The following E2F3 variants were observed in gnomAD, a reference collection of about 807,000 sequenced individuals.
E2F3 encodes the protein E2F transcription factor 3.
A neutral mutation model predicts 44.4 loss-of-function variants in E2F3; 11 were observed. The observed-to-expected ratio is 0.25, with a 90% CI of 0.16 to 0.41. E2F3 has a LOEUF of 0.41. Among genes scored for constraint, E2F3 ranks in the 10% least tolerant of loss-of-function variants. The pLI, the probability that E2F3 is intolerant of heterozygous loss-of-function variation, is 1.00. For missense variants in E2F3, 487 were observed against 583.6 expected, an observed-to-expected ratio of 0.83 and a Z score of 1.70; for synonymous variants, 249 against 253.0, an observed-to-expected ratio of 0.98 and a Z score of 0.15.
In E2F3 at chr6:20,490,288, A is replaced by G. The variant is rs1762518617; in HGVS notation, c.1256A>G (p.Glu419Gly). 2 of 1,614,000 alleles carry G rather than the reference A, an allele frequency of 1.2e-6. No individual in the cohort carries two copies. The highest frequency in any genetic ancestry group is 2.7e-5 in the African/African-American group (2 of 74,898). Residue 419 changes from glutamate to glycine, a missense_variant, in exon 7 of 7, where the codon GAA (glutamate) becomes GGA (glycine). Glu to Gly is a moderately conservative substitution (Grantham distance 98). This residue lies in a region of E2F3 where 220 missense variants were observed against 261.7 expected (regional missense o/e 0.84). Coordinates refer to ENST00000346618, the MANE Select transcript of E2F3 (RefSeq NM_001949.5). This position sits in a 1 kb window ranked among gnomAD's most constrained non-coding sequence, Gnocchi z 4.3. The part of the protein sequence containing the change: ...QTEDQIPSNL[E>G]GPFVNLLPPL... Reference sequence around the variant, plus strand: ...GAGGACCAAATTCCTTCCAACCTAGAAGGACCGTTTGTGAACTTACTGCCT... The same window carrying G: ...GAGGACCAAATTCCTTCCAACCTAGGAGGACCGTTTGTGAACTTACTGCCT...
chr6:20,461,472 C>T (rs770091991), intron 1 of E2F3, among the ~76,000 whole-genome samples: 21 of 152,058 alleles, frequency 1.4e-4, no homozygotes, highest in Non-Finnish European at 2.5e-4. Flanking sequence ...CCAGCCTGGG[C>T]GACAGAGCGA....
intron 1 of E2F3, among the ~76,000 whole-genome samples, chr6:20,425,365 G>T (rs7753152): frequency 1.3e-5 from 2 of 151,086 alleles, no homozygotes; most frequent in African/African-American, 4.9e-5. Context: ...GGAGCTGTGC[G>T]CACAACCCCA....
intron 1 of E2F3, among the ~76,000 whole-genome samples, chr6:20,432,113 T>C (rs776378776): frequency 3.9e-5 from 6 of 152,204 alleles, no homozygotes; most frequent in African/African-American, 7.2e-5. Flanking sequence ...GACTTCAACA[T>C]AGGAATTTAA....
At chr6:20,466,274 G>A (rs1466825494) in intron 1 of E2F3, among the ~76,000 whole-genome samples, 8 of 151,974 alleles carry the variant, frequency 5.3e-5, no homozygotes, top group African/African-American at 7.2e-5. Context: ...CACCACGCCC[G>A]GCTACTTTTT....
At chr6:20,438,247 T>G (rs1760658517) in intron 1 of E2F3, among the ~76,000 whole-genome samples, 1 of 152,218 alleles carries the variant, frequency 6.6e-6, no homozygotes, top group African/African-American at 2.4e-5. Flanking sequence ...AAGTGCTATA[T>G]AAACATAAGG....
At chr6:20,463,686 C>A (rs1396079836) in intron 1 of E2F3, among the ~76,000 whole-genome samples, 1 of 152,164 alleles carries the variant, frequency 6.6e-6, no homozygotes, top group Non-Finnish European at 1.5e-5. Flanking sequence ...GCTTCTGACA[C>A]CAGATGTGCT....
At chr6:20,483,380 C>T (rs570601191) in intron 4 of E2F3, among the ~76,000 whole-genome samples, 61 of 152,214 alleles carry the variant, frequency 4.0e-4, no homozygotes, top group African/African-American at 1.4e-3. Context: ...CACCAGATAT[C>T]GTAGCAATTG....
At chr6:20,435,004 A>G (rs1217647553) in intron 1 of E2F3, among the ~76,000 whole-genome samples, 1 of 152,200 alleles carries the variant, frequency 6.6e-6, no homozygotes, top group Non-Finnish European at 1.5e-5. Flanking sequence ...TCAGCCGTGG[A>G]TGCTCTGCAT....
At chr6:20,460,763 A>T (rs1224292051) in intron 1 of E2F3, among the ~76,000 whole-genome samples, 1 of 152,074 alleles carries the variant, frequency 6.6e-6, no homozygotes, top group East Asian at 1.9e-4. Flanking sequence ...TGGGAGGCCG[A>T]GGAGGGCAGA....
chr6:20,488,202 A>G lies in E2F3; in HGVS notation c.1089A>G (p.Thr363=). The G allele has an allele frequency of 6.2e-7, 1 of 1,611,108 alleles. No homozygotes were observed. Among genetic ancestry groups the G allele is most frequent in the Non-Finnish European group, 8.5e-7 (1 of 1,179,332 alleles). The change falls in exon 6 of 7, where the codon ACA becomes ACG. Residue 363 remains threonine (T), a synonymous_variant. Coordinates refer to ENST00000346618, the MANE Select transcript of E2F3 (RefSeq NM_001949.5). ...CTGAAACACACAGTCCAATGAAAAC[A>G]AACAACCAAGACCACAATGGGAATA... is the stretch of plus-strand genomic sequence containing the variant. ...EETETHSPMK[T]NNQDHNGNIP... is the part of the protein sequence containing the mutation.
rs1759338079 is a variant in E2F3 at position 20,402,511 on chromosome 6, G to A, written c.279G>A (p.Gln93=). The A allele has an allele frequency of 1.2e-5, 20 of 1,602,472 alleles. No individual in the cohort carries two copies. The highest frequency in any genetic ancestry group is 4.5e-5 in the East Asian group (2 of 44,660). The change falls in exon 1 of 7, where the codon CAG becomes CAA. Residue 93 remains glutamine (Q), a synonymous_variant. Transcript: ENST00000346618. This position sits in a 1 kb window ranked among gnomAD's most constrained non-coding sequence, Gnocchi z 5.6. The part of the protein sequence containing the change: ...PLLPSAPGAE[Q]TAGSLLYTTP... ...TCCCCAGTGCCCCCGGCGCGGAGCA[G>A]ACCGCCGGCAGCCTCCTCTACACCA...
chr6:20,436,213 T>G (rs1760571146), intron 1 of E2F3, among the ~76,000 whole-genome samples: 1 of 152,128 alleles, frequency 6.6e-6, no homozygotes, highest in Non-Finnish European at 1.5e-5. Context: ...ACTCCTGACC[T>G]CAGGTGATCC....
chr6:20,490,386 G>A lies in E2F3; in HGVS notation c.1354G>A (p.Asp452Asn), dbSNP rs1330116976. Residue 452 changes from aspartate (D) to asparagine (N), a missense_variant, in exon 7 of 7, where the codon GAT becomes AAT. Physicochemically the swap from Asp to Asn is conservative, Grantham distance 23. This residue lies in a region of E2F3 where 220 missense variants were observed against 261.7 expected (regional missense o/e 0.84). Transcript: ENST00000346618. The surrounding 1 kb of genome is among the most constrained non-coding windows in gnomAD (Gnocchi z 4.3). ...CATCAGCGATCTCTTCGATGCTTAC[G>A]ATTTGGAAAAGCTCCCACTGGTGGA... ...EGISDLFDAY[D>N]LEKLPLVEDF... 12 of 1,604,650 alleles carry A rather than the reference G, an allele frequency of 7.5e-6. No individual in the cohort carries two copies. Among genetic ancestry groups the A allele is most frequent in the African/African-American group, 4.0e-5 (3 of 74,624 alleles).
chr6:20,477,204 C>T (rs943967972), intron 1 of E2F3, among the ~76,000 whole-genome samples: 1 of 151,960 alleles, frequency 6.6e-6, no homozygotes, highest in African/African-American at 2.4e-5. Context: ...GAACTCTTGG[C>T]CTCAAGTCAT....
At chr6:20,442,559 T>G (rs1415164985) in intron 1 of E2F3, among the ~76,000 whole-genome samples, 1 of 152,244 alleles carries the variant, frequency 6.6e-6, no homozygotes, top group Non-Finnish European at 1.5e-5. Flanking sequence ...GAAGTACTTT[T>G]AACACCCTCA....
rs932839703 is a variant in E2F3, at chr6:20,402,172, A to G, written c.-61A>G. The G allele has an allele frequency of 4.0e-6, 6 of 1,495,168 alleles. No homozygotes were observed. Among genetic ancestry groups the G allele is most frequent in the East Asian group, 2.5e-5 (1 of 40,612 alleles). 92.6% of individuals were successfully genotyped at this position (1,495,168 alleles called of 1,614,324 possible). On this transcript the variant is annotated 5_prime_UTR_variant, in exon 1 of 7. Coordinates refer to ENST00000346618, the MANE Select transcript of E2F3 (RefSeq NM_001949.5). The surrounding 1 kb of genome is among the most constrained non-coding windows in gnomAD (Gnocchi z 5.6). ...GACTTGGAAACTCCGACTGCAAATA[A>G]TAAAGAAATTGAAAACAATACATTA... is the stretch of plus-strand genomic sequence containing the variant.
intron 1 of E2F3, among the ~76,000 whole-genome samples, chr6:20,456,547 G>A (rs187173302): frequency 9.5e-4 from 144 of 151,974 alleles, no homozygotes; most frequent in Non-Finnish European, 1.0e-3. Context: ...ACGCACTCGC[G>A]CACATATTTT....
At chr6:20,415,536 T>A (rs1182050377) in intron 1 of E2F3, among the ~76,000 whole-genome samples, 1 of 152,170 alleles carries the variant, frequency 6.6e-6, no homozygotes, top group Non-Finnish European at 1.5e-5. Context: ...ATCTTCACAC[T>A]GTCAAATGTC....
intron 1 of E2F3, among the ~76,000 whole-genome samples, chr6:20,405,547 G>A (rs566212703): frequency 2.0e-5 from 3 of 152,110 alleles, no homozygotes; most frequent in Admixed American, 1.3e-4. Context: ...TCTACTGGCC[G>A]GGCGCTGTGG....
Sources: gnomAD v4.1 joint callset for allele counts (sites outside exome capture counted in the v4.1 genomes callset) on GRCh38, gnomAD v4.1.1 for gene constraint, gnomAD v4.1.1 regional missense constraint, Gnocchi (gnomAD v3.1) non-coding constraint, MANE v1.5 for transcripts, NCBI Gene and HGNC (gene_info 2026-07-23, HGNC 2026-07-21) for gene names.